Variants in AGMO observed in about 807,000 individuals in gnomAD.
AGMO encodes alkylglycerol monooxygenase.
A neutral mutation model predicts 60.2 loss-of-function variants in AGMO; 75 were observed. The observed-to-expected ratio is 1.25, with a 90% CI of 1.03 to 1.51. AGMO has a LOEUF of 1.51. AGMO is among the 40% of genes most tolerant of loss of function. The pLI, the probability that AGMO is intolerant of heterozygous loss-of-function variation, is 0.00. For synonymous variants in AGMO, 261 were observed against 177.1 expected, an observed-to-expected ratio of 1.47 and a Z score of -3.76; for missense variants, 763 against 525.5, an observed-to-expected ratio of 1.45 and a Z score of -4.42.
At chr7:15,191,357 T>A in the AGMO span, among the ~76,000 whole-genome samples, 1 of 152,092 alleles carries the variant, frequency 6.6e-6, no homozygotes, top group Non-Finnish European at 1.5e-5. Context: ...TTGCACATAA[T>A]CCCCCTAGGA....
At chr7:15,434,463 C>T (rs1781342401) in intron 3 of AGMO, among the ~76,000 whole-genome samples, 1 of 152,054 alleles carries the variant, frequency 6.6e-6, no homozygotes, top group Non-Finnish European at 1.5e-5. Context: ...TCTTGGGTGT[C>T]CTCTCATACT....
At chr7:15,542,190 A>G (rs1381094802) in intron 3 of AGMO, among the ~76,000 whole-genome samples, 5 of 152,186 alleles carry the variant, frequency 3.3e-5, no homozygotes, top group African/African-American at 1.2e-4. Flanking sequence ...GAAGGTTGAT[A>G]CATTTAAATA....
At chr7:15,351,326 G>C (rs930670708) in intron 12 of AGMO, among the ~76,000 whole-genome samples, 1 of 152,092 alleles carries the variant, frequency 6.6e-6, no homozygotes, top group Non-Finnish European at 1.5e-5. Context: ...AGTAGAAATT[G>C]CAAGACTTGA....
downstream of AGMO, among the ~76,000 whole-genome samples, chr7:15,200,042 T>C (rs1430009557): frequency 6.6e-6 from 1 of 152,182 alleles, no homozygotes; most frequent in Non-Finnish European, 1.5e-5. Flanking sequence ...GTCAGGCTCC[T>C]TAACCCAGTG....
chr7:15,329,643 TTACACC>T (rs1781443298), intron 12 of AGMO, among the ~76,000 whole-genome samples: 1 of 152,254 alleles, frequency 6.6e-6, no homozygotes, highest in Non-Finnish European at 1.5e-5. Flanking sequence ...CGTCGCTTAA[TTACACC>T]TATGTTATTC....
intron 3 of AGMO, among the ~76,000 whole-genome samples, chr7:15,518,802 G>A (rs1306409507): frequency 1.3e-5 from 2 of 152,044 alleles, no homozygotes; most frequent in Non-Finnish European, 2.9e-5. Flanking sequence ...AAACAAAACT[G>A]GATGGAGAAT....
intron 10 of AGMO, among the ~76,000 whole-genome samples, chr7:15,380,303 T>A (rs10261554): frequency 1.3e-5 from 2 of 151,908 alleles, no homozygotes; most frequent in East Asian, 3.9e-4. Flanking sequence ...GATAAACAAC[T>A]TCAGCAAAGT....
chr7:15,484,523 C>G (rs1583600391), intron 3 of AGMO, among the ~76,000 whole-genome samples: 2 of 152,100 alleles, frequency 1.3e-5, no homozygotes, highest in East Asian at 3.9e-4. Context: ...TCCACCTGCT[C>G]ACTTAGGATT....
intron 12 of AGMO, among the ~76,000 whole-genome samples, chr7:15,298,670 G>A (rs1002972447): frequency 1.6e-4 from 24 of 151,978 alleles, no homozygotes; most frequent in Non-Finnish European, 3.2e-4. Flanking sequence ...CCAAAGTGCT[G>A]GAATTACAGG....
At chr7:15,266,121 G>T (rs974591938) in intron 12 of AGMO, among the ~76,000 whole-genome samples, 2 of 151,978 alleles carry the variant, frequency 1.3e-5, no homozygotes, top group Non-Finnish European at 2.9e-5. Flanking sequence ...GGTTGACAGG[G>T]GATCAGGGGA....
At chr7:15,340,147 T>A (rs1583426803) in intron 12 of AGMO, among the ~76,000 whole-genome samples, 1 of 152,178 alleles carries the variant, frequency 6.6e-6, no homozygotes, top group Non-Finnish European at 1.5e-5. Context: ...AACTCAAAAT[T>A]CATTTATGCT....
At chr7:15,315,221 T>G (rs1426557145) in intron 12 of AGMO, among the ~76,000 whole-genome samples, 1 of 152,012 alleles carries the variant, frequency 6.6e-6, no homozygotes, top group African/African-American at 2.4e-5. Flanking sequence ...GTACTAAGTT[T>G]GTGGTAACTT....
chr7:15,309,224 C>G (rs1053636867), intron 12 of AGMO, among the ~76,000 whole-genome samples: 11 of 152,126 alleles, frequency 7.2e-5, no homozygotes, highest in Non-Finnish European at 2.9e-5. Context: ...TAATGAAGAA[C>G]TATCGTTATC....
intron 3 of AGMO, among the ~76,000 whole-genome samples, chr7:15,513,994 C>T (rs1247927428): frequency 6.6e-6 from 1 of 152,142 alleles, no homozygotes; most frequent in Non-Finnish European, 1.5e-5. Context: ...GTGTCTTCTT[C>T]CTCCAGACCC....
chr7:15,195,678 G>C (rs13234137), downstream of AGMO, among the ~76,000 whole-genome samples: 12,487 of 152,176 alleles, frequency 0.082, 728 homozygotes, highest in Non-Finnish European at 0.11. Flanking sequence ...CAAGCTTCTA[G>C]CTTGCCTTTC....
At chr7:15,299,832 C>CAT (rs1784511939) in intron 12 of AGMO, among the ~76,000 whole-genome samples, 1 of 19,102 alleles carries the variant, frequency 5.2e-5, no homozygotes, top group South Asian at 2.3e-3. Flanking sequence ...TGTCTACATA[C>CAT]ACACACACAC....
chr7:15,533,017 A>G (rs575019256), intron 3 of AGMO, among the ~76,000 whole-genome samples: 1 of 152,210 alleles, frequency 6.6e-6, no homozygotes, highest in African/African-American at 2.4e-5. Flanking sequence ...CAAACAAAAA[A>G]TCTTCCTTAC....
intron 12 of AGMO, among the ~76,000 whole-genome samples, chr7:15,231,132 A>C (rs542064040): frequency 6.6e-6 from 1 of 152,296 alleles, no homozygotes; most frequent in Admixed American, 6.5e-5. Flanking sequence ...GGAGTGTAAC[A>C]AAATATAGAC....
intron 12 of AGMO, among the ~76,000 whole-genome samples, chr7:15,279,418 G>C (rs967824966): frequency 6.6e-6 from 1 of 152,086 alleles, no homozygotes; most frequent in Non-Finnish European, 1.5e-5. Context: ...TGACAGAGGT[G>C]TCCACTAGCT....
Sources: allele counts gnomAD v4.1 joint callset (sites outside exome capture counted in the v4.1 genomes callset), GRCh38; gene constraint gnomAD v4.1.1; transcripts MANE v1.5; gene names NCBI Gene and HGNC (gene_info 2026-07-23, HGNC 2026-07-21).